The following SUMF1 variants were observed in gnomAD, a reference collection of about 807,000 sequenced individuals.
SUMF1 encodes sulfatase modifying factor 1, also known as formylglycine-generating enzyme.
A neutral mutation model predicts 47.6 loss-of-function variants in SUMF1; 48 were observed. That is an observed-to-expected ratio of 1.01 (90% CI 0.80 to 1.28). The LOEUF (loss-of-function observed/expected upper bound fraction) is 1.28, where lower values mean the gene tolerates loss of function less well. SUMF1 is among the 50% of genes most tolerant of loss of function. The pLI is 0.00. For synonymous variants in SUMF1, 230 were observed against 192.1 expected, an observed-to-expected ratio of 1.20 and a Z score of -1.63; for missense variants, 571 against 485.4, an observed-to-expected ratio of 1.18 and a Z score of -1.66.
At chr3:4,137,897 ATAG>A (rs1445347639) in intron 8 of SUMF1, among the ~76,000 whole-genome samples, 1 of 142,448 alleles carries the variant, frequency 7.0e-6, no homozygotes, top group Non-Finnish European at 1.6e-5. Context: ...AATCTTGCAT[ATAG>A]TAAACACTAA....
In SUMF1 at chr3:4,308,922, C is replaced by T. The variant is rs190264606; in HGVS notation, c.1014+67408G>A. 3.3e-5 allele frequency among the ~76,000 whole-genome samples: 5 copies of T among 152,276 alleles called. No homozygotes were observed. In the East Asian group the frequency reaches 7.7e-4, roughly 23 times the overall value. ...GACCATGACACAGCCATCAGGAGAT[C>T]CTGAGAACATGTATCCGAAGTGGTT... is the stretch of plus-strand genomic sequence containing the variant. On this transcript the variant is annotated intron_variant and NMD_transcript_variant, in intron 8 of 12. Transcript: ENST00000448413.
intron 7 of SUMF1, among the ~76,000 whole-genome samples, chr3:4,387,345 T>G (rs1425403578): frequency 6.6e-6 from 1 of 152,038 alleles, no homozygotes; most frequent in African/African-American, 2.4e-5. Flanking sequence ...TTTGAGGAAG[T>G]GTTGTTTCTC....
At chr3:4,051,213 C>T (rs1223184833) in intron 9 of SUMF1, among the ~76,000 whole-genome samples, 1 of 152,006 alleles carries the variant, frequency 6.6e-6, no homozygotes, top group Admixed American at 6.6e-5. Context: ...CCAGGCAGAA[C>T]CAACCACCCC....
chr3:4,317,150 C>G (rs370552354), intron 8 of SUMF1: 46 of 1,548,038 alleles, frequency 3.0e-5, no homozygotes, highest in South Asian at 6.0e-5. Context: ...AAGAGTTCGT[C>G]GAATCCCAAA....
intron 8 of SUMF1, among the ~76,000 whole-genome samples, chr3:4,165,386 G>A (rs770121825): frequency 3.9e-5 from 6 of 151,980 alleles, no homozygotes; most frequent in Admixed American, 6.6e-5. Context: ...AATAGCCCAG[G>A]GATTTTTGTG....
chr3:4,178,489 AG>A (rs1559541172), intron 8 of SUMF1, among the ~76,000 whole-genome samples: 1 of 152,176 alleles, frequency 6.6e-6, no homozygotes, highest in Admixed American at 6.5e-5. Flanking sequence ...AAAATTCAAC[AG>A]CCCTTCATGC....
At position 4,417,318 on chromosome 3, in the gene SUMF1, T is replaced by A. The variant is rs1701746496; in HGVS notation, c.726-76A>T. ...ATGAAAGTCAAGAGAAGGGATGCAATGAAAAAGAGAACATTGCTTGCTTGT... is the reference window on the plus strand; with the variant it reads ...ATGAAAGTCAAGAGAAGGGATGCAAAGAAAAAGAGAACATTGCTTGCTTGT... On this transcript the variant is annotated intron_variant, in intron 5 of 8. Transcript: ENST00000272902. The A allele has an allele frequency of 3.4e-6, 4 of 1,190,104 alleles. No individual in the cohort carries two copies. The South Asian group carries it at 4.9e-5, about 14-fold the overall frequency. 73.7% of individuals were successfully genotyped at this position (1,190,104 alleles called of 1,614,324 possible).
chr3:4,391,641 C>T lies in SUMF1; in HGVS notation c.955-15252G>A, dbSNP rs1559267956. On this transcript the variant is annotated intron_variant, in intron 7 of 8. Coordinates refer to ENST00000272902, the MANE Select transcript of SUMF1 (RefSeq NM_182760.4). Reference sequence around the variant, plus strand: ...GGGATTACAGGTGCATACCATGATACCTGACTAATTTTTGTAATTTTTGTG... The same window carrying T: ...GGGATTACAGGTGCATACCATGATATCTGACTAATTTTTGTAATTTTTGTG... 3.3e-5 allele frequency among the ~76,000 whole-genome samples: 5 copies of T among 152,066 alleles called. No individual in the cohort carries two copies. In the South Asian group the frequency reaches 8.3e-4, roughly 25 times the overall value.
At chr3:4,300,509 T>C (rs1697941415) in intron 8 of SUMF1, among the ~76,000 whole-genome samples, 1 of 151,102 alleles carries the variant, frequency 6.6e-6, no homozygotes, top group Non-Finnish European at 1.5e-5. Flanking sequence ...TACATGCTCA[T>C]GAATAGCACA....
intron 8 of SUMF1, among the ~76,000 whole-genome samples, chr3:4,159,273 A>AT (rs60482121): frequency 0.65 from 93,162 of 143,150 alleles, 30,374 homozygotes; most frequent in South Asian, 0.73. Context: ...CTCTGGTGGT[A>AT]TTTTTTTTTT....
intron 7 of SUMF1, among the ~76,000 whole-genome samples, chr3:4,379,067 T>C (rs376446328): frequency 6.2e-4 from 95 of 152,352 alleles, no homozygotes; most frequent in African/African-American, 2.2e-3. Flanking sequence ...TTTAGGTGAC[T>C]GCTCAGCTGC....
chr3:4,415,876 G>A (rs552284097), intron 6 of SUMF1, among the ~76,000 whole-genome samples: 102 of 152,248 alleles, frequency 6.7e-4, no homozygotes, highest in Admixed American at 1.3e-3. Flanking sequence ...TCTTTTGCCC[G>A]CCTTCTGCCT....
chr3:4,394,138 A>G (rs1700966327), intron 7 of SUMF1, among the ~76,000 whole-genome samples: 1 of 151,948 alleles, frequency 6.6e-6, no homozygotes, highest in South Asian at 2.1e-4. Context: ...TTTTTAAAAG[A>G]GTGTTTAGCT....
chr3:4,429,416 T>G (rs1702167376), intron 3 of SUMF1, among the ~76,000 whole-genome samples: 2 of 152,236 alleles, frequency 1.3e-5, no homozygotes, highest in African/African-American at 4.8e-5. Flanking sequence ...TGCCATCTGA[T>G]TGCTTCTATG....
intron 8 of SUMF1, among the ~76,000 whole-genome samples, chr3:4,188,937 AT>A (rs1695258558): frequency 6.6e-6 from 1 of 152,144 alleles, no homozygotes; most frequent in African/African-American, 2.4e-5. Context: ...GTTATTAGCT[AT>A]TGTTATTAGC....
chr3:4,138,377 G>T (rs771857795), intron 8 of SUMF1, among the ~76,000 whole-genome samples: 11 of 152,110 alleles, frequency 7.2e-5, no homozygotes, highest in Non-Finnish European at 1.3e-4. Flanking sequence ...TTGTTTGCCT[G>T]AAGATTTGAC....
At chr3:4,135,708 T>C (rs1302826069) in intron 8 of SUMF1, among the ~76,000 whole-genome samples, 2 of 152,188 alleles carry the variant, frequency 1.3e-5, no homozygotes, top group African/African-American at 4.8e-5. Flanking sequence ...GATGACATGA[T>C]TGTATATCTA....
intron 8 of SUMF1, among the ~76,000 whole-genome samples, chr3:4,269,247 G>C (rs893747359): frequency 1.1e-4 from 16 of 152,096 alleles, no homozygotes; most frequent in Non-Finnish European, 1.5e-5. Context: ...ATGTATACAT[G>C]TGCCATGTTG....
chr3:4,122,624 G>A (rs552229960), intron 8 of SUMF1, among the ~76,000 whole-genome samples: 2 of 152,264 alleles, frequency 1.3e-5, no homozygotes, highest in South Asian at 2.1e-4. Context: ...AGGGATGAAG[G>A]AAAAGGAGCA....
Sources: gnomAD v4.1 joint callset for allele counts (sites outside exome capture counted in the v4.1 genomes callset) on GRCh38, gnomAD v4.1.1 for gene constraint, MANE v1.5 for transcripts, NCBI Gene and HGNC (gene_info 2026-07-23, HGNC 2026-07-21) for gene names.